VPS54: variants seen among roughly 807,000 people sequenced by gnomAD.
VPS54 encodes VPS54 subunit of GARP complex.
In VPS54, 45 loss-of-function variants were observed where a neutral mutation model predicts 121.5. The ratio of observed to expected loss-of-function variants is 0.37; its 90% CI spans 0.29 to 0.47. The LOEUF is 0.47. Ranked by LOEUF, VPS54 falls within the 20% of genes least tolerant of loss-of-function variation. VPS54 has a pLI of 0.99. For synonymous variants in VPS54, 371 were observed against 385.8 expected (o/e 0.96, Z 0.45); for missense variants, 1,090 against 1,131.4 (o/e 0.96, Z 0.52).
rs544082600 is a variant in VPS54 at position 63,944,466 on chromosome 2, C to T, written c.1301+134G>A. ...AAGCACTGTCTTCGTTCCACACTGT[C>T]ACTTGTGATTTTCCTACACCCTGCT... is the stretch of plus-strand genomic sequence containing the variant. On this transcript the variant is annotated intron_variant, in intron 10 of 22. Transcript: ENST00000272322. 3.7e-4 allele frequency: 310 copies of T among 838,802 alleles called. 2 individuals are homozygous for T. Among genetic ancestry groups the T allele is most frequent in the South Asian group, 5.0e-4 (32 of 64,036 alleles). 52.0% of individuals were successfully genotyped at this position (838,802 alleles called of 1,614,324 possible).
rs955609482 is a variant in VPS54, at chr2:63,951,350, C to T, written c.1011-2187G>A. On this transcript the variant is annotated intron_variant, in intron 7 of 22. Transcript: ENST00000272322. ...GAGTACTTCCAGCATCACCAGTGAA[C>T]TTAGTATGGGTCCCATGGTGTTATT... Among the ~76,000 whole-genome samples the T allele has an allele frequency of 2.0e-5, 3 of 151,732 alleles. No homozygotes were observed. The South Asian group carries it at 6.2e-4, about 31-fold the overall frequency.
chr2:64,007,773 G>A (rs1678233391), intron 1 of VPS54, among the ~76,000 whole-genome samples: 1 of 152,170 alleles, frequency 6.6e-6, no homozygotes, highest in Non-Finnish European at 1.5e-5. Context: ...TAGAGGAAAA[G>A]ACAAAGGCAA....
chr2:63,893,544 T>C lies in VPS54; in HGVS notation c.2829-9A>G, dbSNP rs769948129. ...CATCTGCTGTGACCAACCTAAATAA[T>C]GGAGAGAAAATTATTTTTTAAATCT... is the stretch of plus-strand genomic sequence containing the variant. On this transcript the variant is annotated splice_polypyrimidine_tract_variant and intron_variant, in intron 22 of 22. Transcript: ENST00000272322. 13 of 1,602,222 alleles carry C rather than the reference T, an allele frequency of 8.1e-6. No homozygotes were observed. The Admixed American group carries it at 2.1e-4, about 26-fold the overall frequency.
Position 63,955,957 on chromosome 2 carries a change from C to G in VPS54, c.1010+6101G>C, listed in dbSNP as rs368926621. Among the ~76,000 whole-genome samples the G allele has an allele frequency of 6.6e-5, 10 of 152,006 alleles. 1 individual carries two copies. In the East Asian group the frequency reaches 9.6e-4, roughly 15 times the overall value. ...AGTGGTGAATCTACTGAAATGACAA[C>G]TAAAATATCACTTTCTGAAAAATAT... On this transcript the variant is annotated intron_variant, in intron 7 of 22. Transcript: ENST00000272322.
Position 63,912,647 on chromosome 2 carries a change from A to C in VPS54, c.2437T>G (p.Cys813Gly). 1 of 1,574,122 alleles carries C rather than the reference A, an allele frequency of 6.4e-7. No individual in the cohort carries two copies. Among genetic ancestry groups the C allele is most frequent in the Non-Finnish European group, 8.5e-7 (1 of 1,170,062 alleles). ...TTKNLALSSR[C>G]LQLIVHYIPV... ...ATGTAGTGCACAATTAACTGCAAAC[A>C]TCGTGAAGAAAGAGCTGAAGATCCA... Residue 813 changes from cysteine to glycine, a missense_variant, in exon 19 of 23, where the codon TGT becomes GGT. Cys to Gly is a radical substitution (Grantham distance 159, BLOSUM62 -3). Transcript: ENST00000272322.
chr2:63,897,413 G>T lies in VPS54; in HGVS notation c.2828+83C>A, dbSNP rs879074741. 7 of 1,003,406 alleles carry T rather than the reference G, an allele frequency of 7.0e-6. No individual in the cohort carries two copies. The South Asian group carries it at 1.1e-4, about 16-fold the overall frequency. The allele number at this position is 1,003,406 out of a possible 1,614,324, so 62.2% of individuals were successfully genotyped here. A position where few individuals can be genotyped will look rare whatever the true frequency, so the allele number is the denominator to read the frequency against. On this transcript the variant is annotated intron_variant, in intron 22 of 22. Coordinates refer to ENST00000272322, the MANE Select transcript of VPS54 (RefSeq NM_016516.3). ...GTTGGTCTTCAGTGTGATTACAGCAGAAAAGGATGGCACAAATAATCAAAA... is the reference window on the plus strand; with the variant it reads ...GTTGGTCTTCAGTGTGATTACAGCATAAAAGGATGGCACAAATAATCAAAA...
chr2:63,899,124 C>T (rs1209115682), intron 21 of VPS54, among the ~76,000 whole-genome samples: 4 of 152,084 alleles, frequency 2.6e-5, no homozygotes, highest in East Asian at 1.9e-4. Flanking sequence ...TTACAATCAC[C>T]GTAACATATT....
At chr2:64,004,691 A>G (rs1481807687) in intron 1 of VPS54, among the ~76,000 whole-genome samples, 1 of 152,234 alleles carries the variant, frequency 6.6e-6, no homozygotes. Context: ...TTCTTAGAAT[A>G]ATGTTTTTAA....
At chr2:64,017,641 G>T (rs1458916004) in intron 1 of VPS54, among the ~76,000 whole-genome samples, 1 of 152,054 alleles carries the variant, frequency 6.6e-6, no homozygotes, top group Admixed American at 6.6e-5. Context: ...TTACGATTTG[G>T]TTGTGATGCA....
chr2:63,939,615 A>G (rs1478078208), intron 11 of VPS54, among the ~76,000 whole-genome samples: 53 of 152,248 alleles, frequency 3.5e-4, no homozygotes. Context: ...ATAGAAAAGA[A>G]TAAAAAATCT....
At chr2:63,932,421 A>G (rs190836961) in intron 12 of VPS54, among the ~76,000 whole-genome samples, 4 of 152,252 alleles carry the variant, frequency 2.6e-5, no homozygotes, top group Admixed American at 2.6e-4. Flanking sequence ...AAAACCAAAC[A>G]CTGCATGTTC....
intron 12 of VPS54, among the ~76,000 whole-genome samples, chr2:63,923,931 G>T (rs1051254315): frequency 2.6e-5 from 4 of 152,214 alleles, no homozygotes; most frequent in African/African-American, 9.6e-5. Flanking sequence ...TTGTATGAAA[G>T]AACTAGTTAG....
At chr2:63,900,660 G>T (rs1420594159) in intron 20 of VPS54, among the ~76,000 whole-genome samples, 1 of 152,142 alleles carries the variant, frequency 6.6e-6, no homozygotes, top group African/African-American at 2.4e-5. Flanking sequence ...ATGGCTTCCC[G>T]AGCTGCCCAC....
chr2:63,950,368 C>G (rs1347170675), intron 7 of VPS54, among the ~76,000 whole-genome samples: 2 of 152,076 alleles, frequency 1.3e-5, no homozygotes, highest in Non-Finnish European at 2.9e-5. Flanking sequence ...TTATGACTCT[C>G]TGATCTAGAA....
intron 16 of VPS54, 151 bp from the exon 17 acceptor site, chr2:63,914,438 T>C: frequency 3.2e-6 from 2 of 620,806 alleles, no homozygotes; most frequent in South Asian, 2.0e-5. Context: ...TTTTACCTAC[T>C]AGTACAGCAG....
At chr2:64,004,286 G>A (rs547647713) in intron 1 of VPS54, among the ~76,000 whole-genome samples, 1 of 152,254 alleles carries the variant, frequency 6.6e-6, no homozygotes, top group South Asian at 2.1e-4. Flanking sequence ...TCACCAATTT[G>A]CAACCCCCAA....
chr2:63,975,191 G>A (rs553319347), intron 3 of VPS54: 25 of 587,138 alleles, frequency 4.3e-5, no homozygotes, highest in Admixed American at 3.0e-5. Context: ...AATCCCCATT[G>A]CAAAATTATA....
chr2:64,001,851 C>T (rs1677896372), intron 1 of VPS54, among the ~76,000 whole-genome samples: 1 of 152,034 alleles, frequency 6.6e-6, no homozygotes, highest in African/African-American at 2.4e-5. Flanking sequence ...CACAAGCACT[C>T]CCTTAGGTGT....
intron 7 of VPS54, among the ~76,000 whole-genome samples, chr2:63,955,141 A>G (rs1396067150): frequency 2.6e-5 from 4 of 152,072 alleles, no homozygotes; most frequent in Admixed American, 6.5e-5. Context: ...TTGTTACAAA[A>G]TAATACAGGA....
Sources: allele counts gnomAD v4.1 joint callset (sites outside exome capture counted in the v4.1 genomes callset), GRCh38; gene constraint gnomAD v4.1.1; transcripts MANE v1.5; gene names NCBI Gene and HGNC (gene_info 2026-07-23, HGNC 2026-07-21).